The following LRRC18 variants were observed in gnomAD, a reference collection of about 807,000 sequenced individuals.
LRRC18 encodes the protein leucine-rich repeat-containing protein 18.
A neutral mutation model predicts 11.2 loss-of-function variants in LRRC18; 12 were observed. The observed-to-expected ratio is 1.07, with a 90% confidence interval of 0.69 to 1.74. The LOEUF is 1.74. Among genes scored for constraint, LRRC18 ranks in the 40% most tolerant of loss-of-function variants. The pLI is 0.00. For missense variants in LRRC18, 374 were observed against 330.5 expected (o/e 1.13, Z -1.02); for synonymous variants, 155 against 130.6 (o/e 1.19, Z -1.27).
At chr10:48,910,351 A>G in intron 1 of LRRC18, 93 bp from the exon 4 acceptor site, 1 of 1,097,448 alleles carries the variant, frequency 9.1e-7, no homozygotes, top group East Asian at 2.4e-5. Flanking sequence ...CACCAAGGTC[A>G]TGCCTGACCT....
the LRRC18 span, among the ~76,000 whole-genome samples, chr10:48,927,934 C>A: frequency 6.6e-6 from 1 of 152,134 alleles, no homozygotes; most frequent in Non-Finnish European, 1.5e-5. Flanking sequence ...ACTAGAAATG[C>A]CTTGTTCATC....
chr10:48,914,122 T>A lies in LRRC18; in HGVS notation c.34A>T (p.Lys12Ter). The A allele has an allele frequency of 6.2e-7, 1 of 1,614,168 alleles. No individual in the cohort carries two copies. Among genetic ancestry groups the A allele is most frequent in the Non-Finnish European group, 8.5e-7 (1 of 1,180,038 alleles). ...TTCCTGGCCACCTTGAGGGTGATCTTCTTGCCCTTGGGGCCTTTCTCACCC... is the reference window on the plus strand; with the variant it reads ...TTCCTGGCCACCTTGAGGGTGATCTACTTGCCCTTGGGGCCTTTCTCACCC... Residue 12 changes from lysine to a stop codon, truncating the protein, a stop_gained, in exon 1 of 2, where the codon AAG becomes TAG. Coordinates refer to ENST00000374160, the Ensembl canonical transcript of LRRC18. LOFTEE classifies it high-confidence loss of function.
At chr10:48,918,799 A>T (rs12268813), upstream of LRRC18, among the ~76,000 whole-genome samples, 17,733 of 152,186 alleles carry the variant, frequency 0.12, 2,661 homozygotes, top group African/African-American at 0.35. Flanking sequence ...TGTACATTGT[A>T]GAATGTTTAG....
the LRRC18 span, among the ~76,000 whole-genome samples, chr10:48,932,204 T>A: frequency 4.8e-4 from 73 of 152,354 alleles, 3 homozygotes; most frequent in East Asian, 0.014. Context: ...AAGCCAGTCA[T>A]CTGGCTTCTA....
chr10:48,938,345 G>T, the LRRC18 span, among the ~76,000 whole-genome samples: 1 of 152,250 alleles, frequency 6.6e-6, no homozygotes, highest in African/African-American at 2.4e-5. Context: ...TGAAGAAGAG[G>T]ATAGGCAGAG....
the LRRC18 span, among the ~76,000 whole-genome samples, chr10:48,922,494 A>G: frequency 3.2e-4 from 48 of 152,236 alleles, no homozygotes; most frequent in Non-Finnish European, 6.2e-4. Context: ...TGAATCTTCT[A>G]TCTGTGAAGT....
chr10:48,927,725 A>G, the LRRC18 span, among the ~76,000 whole-genome samples: 2 of 152,232 alleles, frequency 1.3e-5, no homozygotes, highest in African/African-American at 4.8e-5. Context: ...GCGGATAATA[A>G]GAATTCAACT....
the LRRC18 span, among the ~76,000 whole-genome samples, chr10:48,930,721 C>T: frequency 6.6e-6 from 1 of 151,948 alleles, no homozygotes; most frequent in Admixed American, 6.5e-5. Context: ...AAATATCTAA[C>T]AATAGATGAG....
At chr10:48,912,502 G>A (rs1277272036) in intron 1 of LRRC18, among the ~76,000 whole-genome samples, 1 of 152,186 alleles carries the variant, frequency 6.6e-6, no homozygotes, top group Admixed American at 6.5e-5. Flanking sequence ...ATCCACGACT[G>A]GGATCTCCTG....
intron 1 of LRRC18, chr10:48,910,843 G>C (rs12254529): frequency 0.17 from 154,922 of 896,990 alleles, 17,518 homozygotes; most frequent in African/African-American, 0.53. Flanking sequence ...GTGCTGCAGC[G>C]GGGAAGGGAG....
the LRRC18 span, among the ~76,000 whole-genome samples, chr10:48,927,685 G>A: frequency 9.9e-5 from 15 of 152,282 alleles, no homozygotes; most frequent in East Asian, 3.9e-4. Flanking sequence ...CTGGAAAGCC[G>A]TTAGCTGTCA....
chr10:48,930,650 T>A, the LRRC18 span, among the ~76,000 whole-genome samples: 1 of 152,108 alleles, frequency 6.6e-6, no homozygotes, highest in African/African-American at 2.4e-5. Flanking sequence ...ACAAGACTTT[T>A]GATAGAAACA....
chr10:48,926,262 G>A, the LRRC18 span, among the ~76,000 whole-genome samples: 17 of 152,226 alleles, frequency 1.1e-4, no homozygotes, highest in African/African-American at 4.1e-4. Context: ...ATGGCCCCAG[G>A]CCCCAGGAAG....
At chr10:48,914,349 A>G (rs944199385), upstream of LRRC18, 29 of 617,966 alleles carry the variant, frequency 4.7e-5, 1 homozygote, top group Non-Finnish European at 2.2e-5. Flanking sequence ...TTGCGGAGAG[A>G]AGTCAGGGCA....
chr10:48,932,185 C>A, the LRRC18 span, among the ~76,000 whole-genome samples: 1 of 152,196 alleles, frequency 6.6e-6, no homozygotes, highest in African/African-American at 2.4e-5. Context: ...GTTCAGTGGG[C>A]ACTCAACAAA....
the LRRC18 span, among the ~76,000 whole-genome samples, chr10:48,921,209 A>G: frequency 1.3e-5 from 2 of 152,206 alleles, no homozygotes; most frequent in South Asian, 2.1e-4. Context: ...ATGTGTCCCA[A>G]TTTTAAAATT....
chr10:48,911,034 G>A (rs1837953704), intron 1 of LRRC18: 1 of 363,818 alleles, frequency 2.7e-6, no homozygotes, highest in Admixed American at 6.4e-5. Context: ...GGCACTGTCT[G>A]TCTCAATCAT....
the LRRC18 span, among the ~76,000 whole-genome samples, chr10:48,921,865 A>G: frequency 1.3e-5 from 2 of 152,236 alleles, no homozygotes; most frequent in African/African-American, 4.8e-5. Context: ...TTCCTTGCTG[A>G]TGGGAATGCA....
At chr10:48,913,409 G>T in exon 1 of LRRC18, 1 of 1,611,890 alleles carries the variant, frequency 6.2e-7, no homozygotes, top group Non-Finnish European at 8.5e-7. Flanking sequence ...CTTCCCAGGA[G>T]TCCTTGGCCA....
Sources: allele counts gnomAD v4.1 joint callset (sites outside exome capture counted in the v4.1 genomes callset), GRCh38; gene constraint gnomAD v4.1.1; transcripts MANE v1.5; gene names NCBI Gene and HGNC (gene_info 2026-07-23, HGNC 2026-07-21).